The following ZNF423 variants were observed in gnomAD, a reference collection of about 807,000 sequenced individuals.
ZNF423 encodes Ebf-associated zinc finger protein.
Under a neutral mutation model 95.8 loss-of-function variants are expected in ZNF423, and 12 were observed. That is an observed-to-expected ratio of 0.13 (90% CI 0.08 to 0.20). ZNF423 has a LOEUF of 0.20. Among genes scored for constraint, ZNF423 ranks in the 10% least tolerant of loss-of-function variants. The probability of loss-of-function intolerance (pLI) is 1.00; values close to 1 mark genes in which losing one functional copy is unlikely to be tolerated. For synonymous variants in ZNF423, 749 were observed against 711.9 expected (o/e 1.05, Z -0.83); for missense variants, 1,316 against 1,737.1 (o/e 0.76, Z 4.31).
In ZNF423 at chr16:49,855,718, G is replaced by C. The variant is rs1371841370; in HGVS notation, c.40+17C>G. The stretch of plus-strand genomic sequence containing the variant: ...TCGCTCGCTCGCTCGCGCCTCCGCC[G>C]GGCCTCGCTCGCTCACCTTTCACCG... On this transcript the variant is annotated intron_variant, in intron 1 of 7. Coordinates refer to ENST00000563137, the MANE Select transcript of ZNF423 (RefSeq NM_001379286.1). The surrounding 1 kb of genome is among the most constrained non-coding windows in gnomAD (Gnocchi z 4.7). The C allele has an allele frequency of 1.3e-5, 2 of 153,300 alleles. No homozygotes were observed. The highest frequency in any genetic ancestry group is 2.4e-5 in the African/African-American group (1 of 40,926). 9.5% of individuals were successfully genotyped at this position (153,300 alleles called of 1,614,324 possible).
intron 3 of ZNF423, among the ~76,000 whole-genome samples, chr16:49,689,459 GA>G (rs1012264509): frequency 1.3e-5 from 2 of 150,468 alleles, no homozygotes; most frequent in Non-Finnish European, 3.0e-5. Context: ...GCCTCAAAAA[GA>G]AAAAAAAAGA....
chr16:49,712,297 T>C (rs1259359000), intron 3 of ZNF423, among the ~76,000 whole-genome samples: 1 of 152,158 alleles, frequency 6.6e-6, no homozygotes, highest in Non-Finnish European at 1.5e-5. Flanking sequence ...GCACTGCTAA[T>C]GCACGGTGGG....
intron 1 of ZNF423, among the ~76,000 whole-genome samples, chr16:49,840,466 T>C (rs998918304): frequency 2.6e-5 from 4 of 152,212 alleles, no homozygotes; most frequent in African/African-American, 9.6e-5. Context: ...TGCTTCTTTC[T>C]CGTTACAGGG....
chr16:49,544,870 CAGGG>C (rs1969385991), intron 5 of ZNF423, among the ~76,000 whole-genome samples: 1 of 152,270 alleles, frequency 6.6e-6, no homozygotes, highest in Admixed American at 6.5e-5. Flanking sequence ...CGCCCAAGCG[CAGGG>C]TGCAGCATTG....
At chr16:49,518,507 C>T in intron 7 of ZNF423, 1 of 438,794 alleles carries the variant, frequency 2.3e-6, no homozygotes. Flanking sequence ...TCCTTTAAAG[C>T]AATATCTAGT....
At chr16:49,753,098 G>T (rs1461936318) in intron 2 of ZNF423, among the ~76,000 whole-genome samples, 1 of 150,160 alleles carries the variant, frequency 6.7e-6, no homozygotes, top group Non-Finnish European at 1.5e-5. Flanking sequence ...ACAAAAATTA[G>T]CCAGGCGTGG....
chr16:49,505,540 G>C (rs1967598239), intron 7 of ZNF423, among the ~76,000 whole-genome samples: 1 of 151,486 alleles, frequency 6.6e-6, no homozygotes, highest in Non-Finnish European at 1.5e-5. Context: ...CCCCCTTGCT[G>C]ACAGACCCCC....
At chr16:49,567,378 G>T (rs1353079214) in intron 5 of ZNF423, among the ~76,000 whole-genome samples, 1 of 152,218 alleles carries the variant, frequency 6.6e-6, no homozygotes, top group Non-Finnish European at 1.5e-5. Flanking sequence ...CCATGATGCT[G>T]ACGCACAGCT....
At chr16:49,511,706 G>C (rs1289121443) in intron 7 of ZNF423, among the ~76,000 whole-genome samples, 1 of 152,192 alleles carries the variant, frequency 6.6e-6, no homozygotes, top group Admixed American at 6.5e-5. Context: ...TGCCACACAT[G>C]GCCCCTCAGG....
Position 49,534,306 on chromosome 16 carries a change from T to C in ZNF423, c.3602-8812A>G, listed in dbSNP as rs138171548. ...TTTCACTCTTGTTGCCCAGCTGGAG[T>C]GCCATGGCACGTTCTCAGCTCACTG... is the stretch of plus-strand genomic sequence containing the variant. On this transcript the variant is annotated intron_variant, in intron 5 of 7. Coordinates refer to ENST00000563137, the MANE Select transcript of ZNF423 (RefSeq NM_001379286.1). 1.3e-4 allele frequency among the ~76,000 whole-genome samples: 19 copies of C among 151,792 alleles called. No individual in the cohort carries two copies. In the East Asian group the frequency reaches 3.7e-3, roughly 29 times the overall value.
chr16:49,586,780 C>T (rs935528538), intron 5 of ZNF423, among the ~76,000 whole-genome samples: 6 of 152,184 alleles, frequency 3.9e-5, no homozygotes, highest in African/African-American at 1.4e-4. Context: ...TTTCCAACTC[C>T]GAACCAGGGA....
At chr16:49,677,358 GGGAAGGGGAGGGTA>G in intron 3 of ZNF423, among the ~76,000 whole-genome samples, 1 of 29,476 alleles carries the variant, frequency 3.4e-5, no homozygotes, top group East Asian at 1.1e-3. Context: ...GGGGAGGGGA[GGGAAGGGGAGGGTA>G]GGAGGGGAGG....
chr16:49,699,252 C>CG (rs1175414177), intron 3 of ZNF423, among the ~76,000 whole-genome samples: 1 of 152,104 alleles, frequency 6.6e-6, no homozygotes, highest in African/African-American at 2.4e-5. Context: ...CCGGCTCCCC[C>CG]GGGGGCCGCA....
chr16:49,657,767 A>G (rs775484424), intron 3 of ZNF423, among the ~76,000 whole-genome samples: 1 of 152,176 alleles, frequency 6.6e-6, no homozygotes, highest in Non-Finnish European at 1.5e-5. Flanking sequence ...ACATATGTGC[A>G]CTAAGTCCTT....
intron 3 of ZNF423, among the ~76,000 whole-genome samples, chr16:49,654,249 C>A (rs573513890): frequency 6.6e-6 from 1 of 152,338 alleles, no homozygotes; most frequent in South Asian, 2.1e-4. Flanking sequence ...GTGGTCACTG[C>A]CCCCGAAAGC....
intron 5 of ZNF423, among the ~76,000 whole-genome samples, chr16:49,604,580 T>C (rs1482092051): frequency 6.6e-6 from 1 of 152,128 alleles, no homozygotes; most frequent in Non-Finnish European, 1.5e-5. Flanking sequence ...TCTATTTCTG[T>C]ATCCATAAAA....
chr16:49,791,177 A>G (rs1321970984), intron 1 of ZNF423, among the ~76,000 whole-genome samples: 2 of 152,230 alleles, frequency 1.3e-5, no homozygotes, highest in African/African-American at 2.4e-5. Flanking sequence ...CTGAGAGTGG[A>G]CAGGCAGGAT....
chr16:49,691,983 T>C (rs1191166665), intron 3 of ZNF423, among the ~76,000 whole-genome samples: 2 of 151,852 alleles, frequency 1.3e-5, no homozygotes, highest in Non-Finnish European at 2.9e-5. Flanking sequence ...GGTCTCTCGC[T>C]CTGTGGCGCA....
intron 7 of ZNF423, 115 bp downstream of exon 7, chr16:49,523,509 T>C: frequency 2.4e-6 from 2 of 832,226 alleles, no homozygotes; most frequent in East Asian, 2.6e-5. Context: ...CAGCCCCTGA[T>C]TGCAGACCTG....
Sources: allele counts gnomAD v4.1 joint callset (sites outside exome capture counted in the v4.1 genomes callset), GRCh38; gene constraint gnomAD v4.1.1; non-coding constraint Gnocchi (gnomAD v3.1); transcripts MANE v1.5; gene names NCBI Gene and HGNC (gene_info 2026-07-23, HGNC 2026-07-21).